The following SNRPG variants were observed in gnomAD, a reference collection of about 807,000 sequenced individuals.
The protein encoded by SNRPG is small nuclear ribonucleoprotein polypeptide G, also known as small nuclear ribonucleoprotein G.
Under a neutral mutation model 13.9 loss-of-function variants are expected in SNRPG, and 3 were observed. The ratio of observed to expected loss-of-function variants is 0.22; its 90% confidence interval spans 0.10 to 0.56. The LOEUF is 0.56. SNRPG is among the 20% of genes least tolerant of loss of function. The pLI, the probability that SNRPG is intolerant of heterozygous loss-of-function variation, is 0.93. For synonymous variants in SNRPG, 29 were observed against 29.3 expected (o/e 0.99, Z 0.03); for missense variants, 34 against 96.1 (o/e 0.35, Z 2.70).
chr2:70,284,352 G>A (rs1696888675), intron 3 of SNRPG, among the ~76,000 whole-genome samples: 1 of 152,060 alleles, frequency 6.6e-6, no homozygotes. Context: ...GTAGAAACAT[G>A]CTTACCTAGT....
chr2:70,285,571 TACAC>T (rs1314855459), intron 3 of SNRPG, among the ~76,000 whole-genome samples: 5 of 152,088 alleles, frequency 3.3e-5, no homozygotes, highest in African/African-American at 1.2e-4. Context: ...GACTCTGTCA[TACAC>T]ACGCGCGTGC....
intron 3 of SNRPG, among the ~76,000 whole-genome samples, chr2:70,286,326 G>A (rs1696940676): frequency 6.6e-6 from 1 of 152,120 alleles, no homozygotes; most frequent in Admixed American, 6.6e-5. Flanking sequence ...ACTGTCCTTT[G>A]TTAAACAACT....
intron 3 of SNRPG, among the ~76,000 whole-genome samples, chr2:70,284,393 A>T (rs1367479557): frequency 3.3e-5 from 5 of 151,928 alleles, no homozygotes; most frequent in East Asian, 1.9e-4. Context: ...TTTAATTATT[A>T]TTTTTTTTGA....
At chr2:70,284,919 A>G (rs1279689576) in intron 3 of SNRPG, among the ~76,000 whole-genome samples, 2 of 152,224 alleles carry the variant, frequency 1.3e-5, no homozygotes, top group Non-Finnish European at 2.9e-5. Flanking sequence ...CGTAAGTTTT[A>G]CACTGCATGC....
chr2:70,282,207 C>T (rs887152787), intron 3 of SNRPG, among the ~76,000 whole-genome samples: 6 of 152,250 alleles, frequency 3.9e-5, no homozygotes, highest in South Asian at 4.1e-4. Flanking sequence ...TGAGCTACTA[C>T]GCCTGGCCCT....
intron 2 of SNRPG, 150 bp downstream of exon 2, chr2:70,289,200 G>A: frequency 2.0e-6 from 1 of 494,658 alleles, no homozygotes; most frequent in Non-Finnish European, 3.8e-6. Flanking sequence ...CGATCCGCCT[G>A]CCTCGGCCTC....
chr2:70,289,814 A>G (rs1027032151), intron 1 of SNRPG, among the ~76,000 whole-genome samples: 3 of 152,000 alleles, frequency 2.0e-5, no homozygotes, highest in Non-Finnish European at 4.4e-5. Context: ...GTCTCAGGGG[A>G]AAAAAAGAGT....
In SNRPG at chr2:70,283,144, C is replaced by T. The variant is rs199829769; in HGVS notation, c.181-1460G>A. On this transcript the variant is annotated intron_variant, in intron 3 of 3. Coordinates refer to ENST00000272348, the MANE Select transcript of SNRPG (RefSeq NM_003096.4). ...AAAAAACAACAAACCAAAACCAAAA[C>T]AAACCAACAGACAAACTTATCAGAG... is the stretch of plus-strand genomic sequence containing the variant. Among the ~76,000 whole-genome samples the T allele has an allele frequency of 3.0e-4, 17 of 55,872 alleles. No individual in the cohort carries two copies. The East Asian group carries it at 8.1e-3, about 27-fold the overall frequency. The allele number at this position is 55,872 out of a possible 152,430, so 36.7% of individuals were successfully genotyped here.
At chr2:70,284,865 T>A (rs112626904) in intron 3 of SNRPG, among the ~76,000 whole-genome samples, 91 of 152,354 alleles carry the variant, frequency 6.0e-4, no homozygotes, top group African/African-American at 2.2e-3. Context: ...CCACCTTATC[T>A]GTGGTCCAAA....
intron 2 of SNRPG, among the ~76,000 whole-genome samples, chr2:70,288,822 G>A (rs1697007369): frequency 6.6e-6 from 1 of 152,090 alleles, no homozygotes; most frequent in Admixed American, 6.6e-5. Context: ...CCAAAGTGAG[G>A]AAGGGCTTAC....
rs1697163186 is a variant in SNRPG at position 70,293,611 on chromosome 2, T to C, written c.32+7A>G. 2.5e-6 allele frequency: 4 copies of C among 1,613,308 alleles called. No homozygotes were observed. The highest frequency in any genetic ancestry group is 3.4e-6 in the Non-Finnish European group (4 of 1,179,292). On this transcript the variant is annotated splice_region_variant and intron_variant, in intron 1 of 3. Coordinates refer to ENST00000272348, the MANE Select transcript of SNRPG (RefSeq NM_003096.4). ...ACCACTTCGGTTTGGCTCTCACACA[T>C]ACTTACTTTTTCAACTCGGGAGGGT...
intron 3 of SNRPG, among the ~76,000 whole-genome samples, chr2:70,283,859 G>C (rs1171006816): frequency 6.6e-6 from 1 of 152,146 alleles, no homozygotes; most frequent in Admixed American, 6.5e-5. Context: ...AGGAGTTTGA[G>C]ACCAGCCTGG....
chr2:70,288,898 TAGG>T (rs1319429459), intron 2 of SNRPG, among the ~76,000 whole-genome samples: 1 of 152,210 alleles, frequency 6.6e-6, no homozygotes, highest in Non-Finnish European at 1.5e-5. Context: ...ATTGTCTAGT[TAGG>T]ATTAAGTAAT....
At chr2:70,290,822 CTAA>C (rs1697068089) in intron 1 of SNRPG, among the ~76,000 whole-genome samples, 1 of 42,432 alleles carries the variant, frequency 2.4e-5, no homozygotes, top group Admixed American at 3.7e-4. Flanking sequence ...CCCGTCTCTA[CTAA>C]AAAAAAAAAA....
intron 1 of SNRPG, among the ~76,000 whole-genome samples, chr2:70,290,823 T>TGAAA (rs1559045715): frequency 1.2e-4 from 3 of 25,262 alleles, no homozygotes; most frequent in African/African-American, 5.8e-4. Flanking sequence ...CCGTCTCTAC[T>TGAAA]AAAAAAAAAA....
intron 3 of SNRPG, among the ~76,000 whole-genome samples, chr2:70,284,831 T>C (rs563753354): frequency 6.4e-4 from 98 of 152,256 alleles, no homozygotes; most frequent in African/African-American, 2.1e-3. Context: ...ATTTAGAAAA[T>C]AAGGCTAAAT....
intron 3 of SNRPG, among the ~76,000 whole-genome samples, chr2:70,282,611 C>G (rs570989726): frequency 5.3e-5 from 8 of 152,290 alleles, no homozygotes; most frequent in African/African-American, 1.9e-4. Flanking sequence ...TGGAGGACAT[C>G]AGAAACTAAC....
chr2:70,287,697 G>A, intron 3 of SNRPG: 1 of 402,178 alleles, frequency 2.5e-6, no homozygotes, highest in Non-Finnish European at 4.4e-6. Flanking sequence ...GTTAAGTTCT[G>A]CCCCATACCT....
chr2:70,293,683 A>T lies in SNRPG; in HGVS notation c.-34T>A. The T allele has an allele frequency of 6.2e-7, 1 of 1,608,994 alleles. No individual in the cohort carries two copies. The highest frequency in any genetic ancestry group is 8.5e-7 in the Non-Finnish European group (1 of 1,175,390). ...CTCCGCGGGCTCACAGATGCCTTGG[A>T]ACGCAACGCACGGCTTTCCTCACGC... On this transcript the variant is annotated 5_prime_UTR_variant, in exon 1 of 4. Coordinates refer to ENST00000272348, the MANE Select transcript of SNRPG (RefSeq NM_003096.4).
Sources: allele counts gnomAD v4.1 joint callset (sites outside exome capture counted in the v4.1 genomes callset), GRCh38; gene constraint gnomAD v4.1.1; transcripts MANE v1.5; gene names NCBI Gene and HGNC (gene_info 2026-07-23, HGNC 2026-07-21).